Variants in MBOAT2 observed in about 807,000 individuals in gnomAD.
MBOAT2 encodes membrane-bound glycerophospholipid O-acyltransferase 2.
In MBOAT2, 28 loss-of-function variants were observed where a neutral mutation model predicts 63.4. That is an observed-to-expected ratio of 0.44 (90% CI 0.33 to 0.61). The LOEUF is 0.61. MBOAT2 is among the 20% of genes least tolerant of loss of function. The pLI is 0.03. For missense variants in MBOAT2, 470 were observed against 605.8 expected (o/e 0.78, Z 2.35); for synonymous variants, 211 against 215.6 (o/e 0.98, Z 0.19).
intron 1 of MBOAT2, among the ~76,000 whole-genome samples, chr2:8,973,265 AG>A (rs1450647295): frequency 2.6e-5 from 4 of 151,528 alleles, no homozygotes; most frequent in Non-Finnish European, 4.4e-5. Context: ...AAACTATCAC[AG>A]GGATAAAAAA....
intron 1 of MBOAT2, among the ~76,000 whole-genome samples, chr2:8,962,742 T>G (rs1378951888): frequency 6.6e-6 from 1 of 151,844 alleles, no homozygotes; most frequent in Non-Finnish European, 1.5e-5. Flanking sequence ...AACAATAATT[T>G]AATATAAATT....
At chr2:8,884,311 T>C (rs1183437058) in intron 5 of MBOAT2, among the ~76,000 whole-genome samples, 2 of 151,120 alleles carry the variant, frequency 1.3e-5, no homozygotes, top group East Asian at 1.9e-4. Flanking sequence ...TCCTCAATGA[T>C]CACATACCTA....
intron 1 of MBOAT2, among the ~76,000 whole-genome samples, chr2:8,970,760 T>A (rs1670388965): frequency 1.3e-5 from 2 of 152,094 alleles, no homozygotes; most frequent in Non-Finnish European, 1.5e-5. Context: ...ACAAATAAAC[T>A]AGAAAATCTA....
intron 9 of MBOAT2, among the ~76,000 whole-genome samples, chr2:8,866,531 C>A (rs1661911443): frequency 6.6e-6 from 1 of 152,174 alleles, no homozygotes; most frequent in African/African-American, 2.4e-5. Flanking sequence ...ATTTCACCTG[C>A]AATTAGTTCA....
At chr2:8,895,948 T>C (rs1032020532) in intron 4 of MBOAT2, among the ~76,000 whole-genome samples, 1 of 151,894 alleles carries the variant, frequency 6.6e-6, no homozygotes, top group African/African-American at 2.4e-5. Context: ...ATAAGAGTTG[T>C]GAAAGGGAGC....
intron 1 of MBOAT2, among the ~76,000 whole-genome samples, chr2:8,988,674 G>C (rs1323623059): frequency 3.9e-5 from 6 of 151,984 alleles, no homozygotes; most frequent in Non-Finnish European, 8.8e-5. Context: ...ATAACCCTTA[G>C]GAGCTGTATT....
intron 5 of MBOAT2, among the ~76,000 whole-genome samples, chr2:8,883,787 C>T (rs1171280754): frequency 6.6e-6 from 1 of 152,076 alleles, no homozygotes; most frequent in Non-Finnish European, 1.5e-5. Flanking sequence ...AGGATCATCA[C>T]AACTTTATAC....
chr2:8,952,603 T>C (rs1322211309), intron 2 of MBOAT2, among the ~76,000 whole-genome samples: 1 of 152,220 alleles, frequency 6.6e-6, no homozygotes, highest in Middle Eastern at 3.2e-3. Flanking sequence ...GCTCCAATGT[T>C]GCACATGTAC....
Position 8,881,994 on chromosome 2 carries a change from G to A in MBOAT2, c.506+517C>T, listed in dbSNP as rs141750042. 2.7e-3 allele frequency among the ~76,000 whole-genome samples: 417 copies of A among 152,300 alleles called. 1 individual carries two copies. Among genetic ancestry groups the A allele is most frequent in the African/African-American group, 9.6e-3 (400 of 41,564 alleles). ...CATTCCTTAGATTAGTCATCAGAGT[G>A]CCTTTAATAAATGAAGTAGAAGCTT... is the stretch of plus-strand genomic sequence containing the variant. On this transcript the variant is annotated intron_variant, in intron 6 of 12. Coordinates refer to ENST00000305997, the MANE Select transcript of MBOAT2 (RefSeq NM_138799.4).
chr2:8,875,690 G>C (rs1286483017), intron 7 of MBOAT2, among the ~76,000 whole-genome samples: 1 of 152,146 alleles, frequency 6.6e-6, no homozygotes. Context: ...CTTCTAAGAA[G>C]CTGTCTACAA....
chr2:8,970,420 A>G (rs1420145475), intron 1 of MBOAT2, among the ~76,000 whole-genome samples: 2 of 152,250 alleles, frequency 1.3e-5, no homozygotes, highest in Admixed American at 1.3e-4. Context: ...AGAAAGCAGG[A>G]AAGATCTAAA....
At chr2:8,994,506 T>C (rs1573276959) in intron 1 of MBOAT2, among the ~76,000 whole-genome samples, 1 of 152,210 alleles carries the variant, frequency 6.6e-6, no homozygotes, top group South Asian at 2.1e-4. Context: ...GACAGGCTGG[T>C]TAGTCCAGAG....
At chr2:8,892,907 C>T (rs780016813) in intron 4 of MBOAT2, among the ~76,000 whole-genome samples, 18 of 152,008 alleles carry the variant, frequency 1.2e-4, no homozygotes, top group African/African-American at 2.2e-4. Context: ...AGCAGGACAC[C>T]GGATCCAGCA....
intron 3 of MBOAT2, among the ~76,000 whole-genome samples, chr2:8,909,845 A>C (rs1019003056): frequency 6.6e-6 from 1 of 152,224 alleles, no homozygotes; most frequent in Non-Finnish European, 1.5e-5. Flanking sequence ...TCTAAAAATC[A>C]TGTGGCAGAC....
chr2:8,866,068 T>C (rs200780443), intron 9 of MBOAT2, among the ~76,000 whole-genome samples: 1 of 151,720 alleles, frequency 6.6e-6, no homozygotes, highest in East Asian at 1.9e-4. Flanking sequence ...AATAAAACCA[T>C]AAATGATAAA....
chr2:8,920,832 T>C (rs372111671), intron 3 of MBOAT2, among the ~76,000 whole-genome samples: 1 of 152,194 alleles, frequency 6.6e-6, no homozygotes, highest in Admixed American at 6.5e-5. Context: ...TTGTAGTATA[T>C]AGAAATATAA....
chr2:8,870,475 A>G (rs372932593), intron 8 of MBOAT2, among the ~76,000 whole-genome samples: 2 of 152,346 alleles, frequency 1.3e-5, no homozygotes, highest in East Asian at 3.9e-4. Context: ...AAAGTTAAAG[A>G]ATTTTGGAAC....
chr2:8,902,504 G>A (rs1482338991), intron 4 of MBOAT2, among the ~76,000 whole-genome samples: 3 of 152,122 alleles, frequency 2.0e-5, no homozygotes, highest in African/African-American at 7.2e-5. Flanking sequence ...TGATGGGTTC[G>A]TGGCCTTGTT....
At position 8,877,057 on chromosome 2, in the gene MBOAT2, C is replaced by T; in HGVS notation, c.663G>A (p.Gln221=). Residue 221 remains glutamine, a synonymous_variant, in exon 7 of 13, where the codon CAG becomes CAA. Transcript: ENST00000305997. ...TTGGAGATGGCTCTGTTCTTTCATA[C>T]TGTGTCTCTTCTTTTCCATTTTCAC... is the stretch of plus-strand genomic sequence containing the variant. ...QSGENGKEET[Q]YERTEPSPNT... 1 of 1,612,794 alleles carries T rather than the reference C, an allele frequency of 6.2e-7. No individual in the cohort carries two copies. Among genetic ancestry groups the T allele is most frequent in the Admixed American group, 1.7e-5 (1 of 59,748 alleles).
Sources: allele counts gnomAD v4.1 joint callset (sites outside exome capture counted in the v4.1 genomes callset), GRCh38; gene constraint gnomAD v4.1.1; transcripts MANE v1.5; gene names NCBI Gene and HGNC (gene_info 2026-07-23, HGNC 2026-07-21).